NLGN4X: variants seen among roughly 807,000 people sequenced by gnomAD.
NLGN4X encodes the protein neuroligin 4 X-linked.
Under a neutral mutation model 40.3 loss-of-function variants are expected in NLGN4X, and 3 were observed. The ratio of observed to expected loss-of-function variants is 0.07; its 90% CI spans 0.03 to 0.19. NLGN4X has a LOEUF of 0.19. Ranked by LOEUF, NLGN4X falls within the 10% of genes least tolerant of loss-of-function variation. NLGN4X has a pLI of 1.00. For synonymous variants in NLGN4X, 270 were observed against 306.8 expected, an observed-to-expected ratio of 0.88 and a Z score of 1.25; for missense variants, 382 against 708.3, an observed-to-expected ratio of 0.54 and a Z score of 5.23.
At chrX:5,898,593 C>T (rs907110422) in intron 5 of NLGN4X, among the ~76,000 whole-genome samples, 14 of 110,990 alleles carry the variant, frequency 1.3e-4, no homozygotes, top group African/African-American at 2.6e-4. Flanking sequence ...AGGTTTAGAA[C>T]GCTTGACTTA....
chrX:6,136,878 G>C (rs2039831896), intron 2 of NLGN4X, among the ~76,000 whole-genome samples: 1 of 112,318 alleles, frequency 8.9e-6, no homozygotes. Flanking sequence ...AAATGTGTCA[G>C]GGGAGCTTTG....
intron 2 of NLGN4X, among the ~76,000 whole-genome samples, chrX:6,099,969 A>C (rs2038869818): frequency 8.9e-6 from 1 of 112,210 alleles, no homozygotes; most frequent in Admixed American, 9.4e-5. Context: ...GGGGTCTCAC[A>C]GCCTTCAGAG....
intron 2 of NLGN4X, among the ~76,000 whole-genome samples, chrX:6,055,223 G>C (rs143191751): frequency 8.9e-6 from 1 of 112,116 alleles, no homozygotes; most frequent in African/African-American, 3.2e-5. Context: ...GGCTGGGCGA[G>C]GTGGCTCACA....
chrX:6,132,662 C>A (rs1353912956), intron 2 of NLGN4X, among the ~76,000 whole-genome samples: 2 of 111,861 alleles, frequency 1.8e-5, no homozygotes, highest in African/African-American at 6.5e-5. Flanking sequence ...AATATCTCCA[C>A]AACCGCTAAA....
At chrX:6,021,106 CTCTT>C (rs1281254910) in intron 3 of NLGN4X, among the ~76,000 whole-genome samples, 5 of 84,998 alleles carry the variant, frequency 5.9e-5, no homozygotes, top group African/African-American at 1.8e-4. Flanking sequence ...CTCTCCCTCT[CTCTT>C]TCTTTCTTTC....
At chrX:6,105,345 T>C (rs957384696) in intron 2 of NLGN4X, among the ~76,000 whole-genome samples, 1 of 111,837 alleles carries the variant, frequency 8.9e-6, no homozygotes, top group Non-Finnish European at 1.9e-5. Flanking sequence ...ACTTGATTCA[T>C]GACATTGTGT....
At chrX:5,980,404 G>A (rs970150596) in intron 3 of NLGN4X, among the ~76,000 whole-genome samples, 6 of 107,968 alleles carry the variant, frequency 5.6e-5, no homozygotes, top group Admixed American at 1.0e-4. Flanking sequence ...GTATTAATTG[G>A]TTCCTTTAAA....
rs770601703 is a variant in NLGN4X, at chrX:6,151,003, G to A, written c.464C>T (p.Thr155Met). 5.0e-6 allele frequency: 6 copies of A among 1,205,828 alleles called. No individual in the cohort carries two copies. The highest frequency in any genetic ancestry group is 1.8e-5 in the South Asian group (1 of 56,894). The change falls in exon 2 of 6, where the codon ACG becomes ATG. Residue 155 changes from threonine to methionine, a missense_variant. Thr to Met is a moderately conservative substitution (Grantham distance 81). Coordinates refer to ENST00000381095, the MANE Select transcript of NLGN4X (RefSeq NM_181332.3). ...TCCAGTGAGGTACTCACCATCTTCC[G>A]TGGGCACGTAGATGTTTAAGTAAAG... ...DCLYLNIYVP[T>M]EDDIHDQNSK... is the part of the protein sequence containing the mutation.
At chrX:6,113,372 A>T (rs1347582306) in intron 2 of NLGN4X, among the ~76,000 whole-genome samples, 1 of 111,728 alleles carries the variant, frequency 9.0e-6, no homozygotes, top group Non-Finnish European at 1.9e-5. Flanking sequence ...AGTTTCTTTT[A>T]AAAAACTATT....
At chrX:6,143,425 G>T (rs2147670072) in intron 2 of NLGN4X, among the ~76,000 whole-genome samples, 1 of 112,430 alleles carries the variant, frequency 8.9e-6, no homozygotes, top group Admixed American at 9.4e-5. Flanking sequence ...GATTTTGTCA[G>T]CAGTGTTTGT....
At chrX:5,925,853 T>TATATATATATATATACATAC (rs2033258515) in intron 3 of NLGN4X, among the ~76,000 whole-genome samples, 1 of 45,214 alleles carries the variant, frequency 2.2e-5, no homozygotes, top group Non-Finnish European at 3.4e-5. Flanking sequence ...TACATACACA[T>TATATATATATATATACATAC]ATATATATAT....
intron 2 of NLGN4X, among the ~76,000 whole-genome samples, chrX:6,112,669 C>T (rs2039179753): frequency 9.3e-6 from 1 of 107,571 alleles, no homozygotes; most frequent in South Asian, 4.2e-4. Flanking sequence ...CTGCAATTTC[C>T]TTCTCCCGGG....
In NLGN4X at chrX:5,892,998, G is replaced by A. The variant is rs758932180; in HGVS notation, c.2270C>T (p.Pro757Leu). ...GCGCAGCGTGAGGGTGTAGTCTGGC[G>A]GGCAGGTGAGCCTCAGTGTGTCGTG... ...QAHDTLRLTC[P>L]PDYTLTLRRS... Residue 757 changes from proline to leucine, a missense_variant, in exon 6 of 6, where the codon CCG becomes CTG. By Grantham distance (98) the Pro-to-Leu change is moderately conservative. Coordinates refer to ENST00000381095, the MANE Select transcript of NLGN4X (RefSeq NM_181332.3). The A allele has an allele frequency of 5.8e-6, 7 of 1,211,475 alleles. No homozygotes were observed. The highest frequency in any genetic ancestry group is 2.2e-5 in the Admixed American group (1 of 45,997).
intron 3 of NLGN4X, among the ~76,000 whole-genome samples, chrX:5,914,418 A>G (rs1317391755): frequency 9.0e-6 from 1 of 111,383 alleles, no homozygotes; most frequent in Non-Finnish European, 1.9e-5. Context: ...TTCAATTAAC[A>G]AAAGACATTG....
intron 2 of NLGN4X, among the ~76,000 whole-genome samples, chrX:6,098,670 G>A (rs187179363): frequency 8.1e-5 from 9 of 111,568 alleles, no homozygotes; most frequent in Non-Finnish European, 1.3e-4. Flanking sequence ...CCCCATTGCC[G>A]CTGTTCTCAA....
rs1393180786 is a variant in NLGN4X, at chrX:6,029,332, T to C, written c.573A>G (p.Ala191=). The change falls in exon 3 of 6, where the codon GCA becomes GCG. Residue 191 remains alanine (A), a synonymous_variant. Coordinates refer to ENST00000381095, the MANE Select transcript of NLGN4X (RefSeq NM_181332.3). The part of the protein sequence containing the change: ...TGNMIDGSIL[A]SYGNVIVITI... ...TGATCACGATGACGTTTCCGTAGCT[T>C]GCCAAAATGCTGCCGTCAATCATGT... The C allele has an allele frequency of 1.7e-6, 2 of 1,211,370 alleles. No homozygotes were observed. Among genetic ancestry groups the C allele is most frequent in the Admixed American group, 4.3e-5 (2 of 45,998 alleles).
At chrX:6,112,708 GGAGTA>G (rs1379162792) in intron 2 of NLGN4X, among the ~76,000 whole-genome samples, 1 of 108,897 alleles carries the variant, frequency 9.2e-6, no homozygotes, top group Admixed American at 9.9e-5. Flanking sequence ...CTCAGCCTCT[GGAGTA>G]GCTGGGATTA....
At chrX:6,051,540 A>T (rs947789555) in intron 2 of NLGN4X, among the ~76,000 whole-genome samples, 22 of 111,118 alleles carry the variant, frequency 2.0e-4, no homozygotes, top group Non-Finnish European at 3.2e-4. Context: ...GACGCTTCCA[A>T]GAAAAGCCAA....
intron 1 of NLGN4X, among the ~76,000 whole-genome samples, chrX:6,224,454 A>T (rs1490236252): frequency 8.9e-6 from 1 of 112,027 alleles, no homozygotes; most frequent in African/African-American, 3.2e-5. Context: ...GAGAGACTAT[A>T]AGCTTTCCAC....
Sources: allele counts gnomAD v4.1 joint callset (sites outside exome capture counted in the v4.1 genomes callset), GRCh38; gene constraint gnomAD v4.1.1; transcripts MANE v1.5; gene names NCBI Gene and HGNC (gene_info 2026-07-23, HGNC 2026-07-21).